Variants in TBC1D19 observed in about 807,000 individuals in gnomAD.
TBC1D19 encodes TBC1 domain family, member 19.
In TBC1D19, 60 loss-of-function variants were observed where a neutral mutation model predicts 89.0. That is an observed-to-expected ratio of 0.67 (90% CI 0.55 to 0.84). The LOEUF is 0.84. Ranked by LOEUF, TBC1D19 falls within the 40% of genes least tolerant of loss-of-function variation. TBC1D19 has a pLI of 0.00. For synonymous variants in TBC1D19, 189 were observed against 199.7 expected (o/e 0.95, Z 0.45); for missense variants, 500 against 610.8 (o/e 0.82, Z 1.91).
chr4:26,839,261 C>G, the TBC1D19 span, among the ~76,000 whole-genome samples: 1 of 152,048 alleles, frequency 6.6e-6, no homozygotes, highest in African/African-American at 2.4e-5. Flanking sequence ...TTTAAAGCGG[C>G]TTTAAAAAAT....
At chr4:26,770,018 G>A in the TBC1D19 span, among the ~76,000 whole-genome samples, 4 of 150,754 alleles carry the variant, frequency 2.7e-5, no homozygotes, top group Admixed American at 2.6e-4. Flanking sequence ...TTCAAAAGAT[G>A]GTGTAAAAGG....
the TBC1D19 span, among the ~76,000 whole-genome samples, chr4:26,811,347 G>T: frequency 2.6e-5 from 4 of 152,216 alleles, no homozygotes; most frequent in Admixed American, 1.3e-4. Flanking sequence ...ACACAATGGG[G>T]CCTGTCGTGG....
At chr4:26,650,046 C>T (rs1281214390) in intron 7 of TBC1D19, among the ~76,000 whole-genome samples, 1 of 152,186 alleles carries the variant, frequency 6.6e-6, no homozygotes, top group East Asian at 1.9e-4. Flanking sequence ...ATGAACTCAT[C>T]ATTTTTTATG....
chr4:26,602,435 C>CTTTTTTT (rs34004440), intron 1 of TBC1D19, among the ~76,000 whole-genome samples: 2 of 73,054 alleles, frequency 2.7e-5, no homozygotes, highest in African/African-American at 9.2e-5. Context: ...CTATTGTATT[C>CTTTTTTT]TTTTTTTTTT....
At chr4:26,757,309 C>T (rs935674631), downstream of TBC1D19, among the ~76,000 whole-genome samples, 16 of 152,160 alleles carry the variant, frequency 1.1e-4, no homozygotes, top group African/African-American at 3.6e-4. Context: ...GTGACCACAC[C>T]GGACCTGTCC....
downstream of TBC1D19, among the ~76,000 whole-genome samples, chr4:26,758,898 T>G (rs1394951459): frequency 6.6e-6 from 1 of 152,216 alleles, no homozygotes; most frequent in East Asian, 1.9e-4. Context: ...TTTTAACTTC[T>G]TCTAATCAAG....
intron 13 of TBC1D19, among the ~76,000 whole-genome samples, chr4:26,698,988 G>A (rs1201639559): frequency 2.6e-5 from 4 of 152,180 alleles, no homozygotes; most frequent in South Asian, 2.1e-4. Context: ...AAAAGCAATG[G>A]CAACAAAAGC....
the TBC1D19 span, among the ~76,000 whole-genome samples, chr4:26,850,583 A>T: frequency 1.3e-5 from 2 of 151,122 alleles, no homozygotes; most frequent in East Asian, 3.9e-4. Flanking sequence ...AAAGAAAAAG[A>T]AAAAGGGGAA....
the TBC1D19 span, among the ~76,000 whole-genome samples, chr4:26,838,963 G>A: frequency 0.014 from 2,092 of 152,184 alleles, 26 homozygotes; most frequent in Non-Finnish European, 0.021. Context: ...ACAAGCCCAC[G>A]AAACATCCAA....
At chr4:26,841,469 C>T in the TBC1D19 span, among the ~76,000 whole-genome samples, 152 of 151,962 alleles carry the variant, frequency 1.0e-3, no homozygotes, top group Non-Finnish European at 1.5e-3. Flanking sequence ...CATCTTGATG[C>T]AGAGGTTGCA....
chr4:26,655,490 C>A (rs970824057), intron 7 of TBC1D19, among the ~76,000 whole-genome samples: 3 of 152,234 alleles, frequency 2.0e-5, no homozygotes, highest in Non-Finnish European at 4.4e-5. Context: ...GAGAGGCAAG[C>A]AGGCCTCCTT....
the TBC1D19 span, among the ~76,000 whole-genome samples, chr4:26,791,600 G>A: frequency 7.9e-5 from 12 of 152,194 alleles, no homozygotes; most frequent in African/African-American, 2.9e-4. Flanking sequence ...GATGGATGAC[G>A]GCAACTTGGG....
At chr4:26,737,810 T>C (rs931171448) in intron 16 of TBC1D19, among the ~76,000 whole-genome samples, 7 of 152,116 alleles carry the variant, frequency 4.6e-5, no homozygotes, top group African/African-American at 9.6e-5. Flanking sequence ...ATAATACTTA[T>C]CTCTTTTAAA....
At chr4:26,745,707 T>G (rs1288092561) in intron 18 of TBC1D19, among the ~76,000 whole-genome samples, 2 of 151,844 alleles carry the variant, frequency 1.3e-5, no homozygotes, top group Non-Finnish European at 2.9e-5. Context: ...AGACGGGGTT[T>G]CACCATGTTG....
chr4:26,653,575 T>C (rs1246777924), intron 7 of TBC1D19, among the ~76,000 whole-genome samples: 3 of 152,226 alleles, frequency 2.0e-5, no homozygotes, highest in Non-Finnish European at 2.9e-5. Flanking sequence ...GGTGCATATA[T>C]ATTTAGGATA....
chr4:26,718,921 T>A (rs1451559923), intron 14 of TBC1D19, among the ~76,000 whole-genome samples: 1 of 152,040 alleles, frequency 6.6e-6, no homozygotes, highest in African/African-American at 2.4e-5. Context: ...TCCCTGATTA[T>A]TCCACAATAC....
the TBC1D19 span, among the ~76,000 whole-genome samples, chr4:26,787,101 G>GT: frequency 0.014 from 1,763 of 129,324 alleles, 32 homozygotes; most frequent in East Asian, 0.055. Context: ...AGAGGAACTA[G>GT]TTTTTTTTTT....
At chr4:26,856,650 G>C in the TBC1D19 span, among the ~76,000 whole-genome samples, 1 of 152,044 alleles carries the variant, frequency 6.6e-6, no homozygotes, top group Non-Finnish European at 1.5e-5. Context: ...TTGTCTTTTT[G>C]ATAATAGCCA....
At chr4:26,856,688 T>C in the TBC1D19 span, among the ~76,000 whole-genome samples, 4 of 152,266 alleles carry the variant, frequency 2.6e-5, no homozygotes, top group Admixed American at 6.5e-5. Flanking sequence ...TCAATTGTTA[T>C]GATCTTTACT....
Sources: gnomAD v4.1 joint callset for allele counts (sites outside exome capture counted in the v4.1 genomes callset) on GRCh38, gnomAD v4.1.1 for gene constraint, MANE v1.5 for transcripts, NCBI Gene and HGNC (gene_info 2026-07-23, HGNC 2026-07-21) for gene names.